Variants in CSMD1 observed in about 807,000 individuals in gnomAD.
CSMD1 encodes the protein CUB and Sushi multiple domains 1, also known as CUB and sushi domain-containing protein 1.
Under a neutral mutation model 417.5 loss-of-function variants are expected in CSMD1, and 213 were observed. The ratio of observed to expected loss-of-function variants is 0.51; its 90% CI spans 0.46 to 0.57. The LOEUF (loss-of-function observed/expected upper bound fraction) is 0.57. CSMD1 is among the 20% of genes least tolerant of loss of function. The pLI is 0.00. For synonymous variants in CSMD1, 2,862 were observed against 1,736.8 expected (o/e 1.65, Z -16.11); for missense variants, 6,923 against 4,529.7 (o/e 1.53, Z -15.17).
chr8:3,612,048 T>TA (rs1166414495), intron 8 of CSMD1, among the ~76,000 whole-genome samples: 2 of 152,118 alleles, frequency 1.3e-5, no homozygotes, highest in Non-Finnish European at 2.9e-5. Context: ...ACTGGATTTT[T>TA]AAAAATATTT....
chr8:3,927,269 A>G (rs928666388), intron 5 of CSMD1, among the ~76,000 whole-genome samples: 2 of 152,060 alleles, frequency 1.3e-5, no homozygotes, highest in African/African-American at 4.8e-5. Context: ...TATAGCAGAC[A>G]TAAGCTAATA....
At chr8:3,955,126 C>G (rs1811854236) in intron 5 of CSMD1, among the ~76,000 whole-genome samples, 1 of 152,304 alleles carries the variant, frequency 6.6e-6, no homozygotes, top group East Asian at 1.9e-4. Context: ...CCCCTCATAC[C>G]TAACTACCGG....
rs774014160 is a variant in CSMD1, at chr8:3,812,898, G to C, written c.819-58856C>G. On this transcript the variant is annotated intron_variant, in intron 5 of 69. Coordinates refer to ENST00000635120, the MANE Select transcript of CSMD1 (RefSeq NM_033225.6). Reference sequence around the variant, plus strand: ...AGTTTAATGACATGCCAGCTCTTTCGTGGCTGTGATAATGTGTTTTGTCCT... The same window carrying C: ...AGTTTAATGACATGCCAGCTCTTTCCTGGCTGTGATAATGTGTTTTGTCCT... Among the ~76,000 whole-genome samples the C allele has an allele frequency of 1.2e-4, 19 of 152,098 alleles. No individual in the cohort carries two copies. The East Asian group carries it at 3.7e-3, about 29-fold the overall frequency.
chr8:2,943,053 A>G (rs1258060995), intron 68 of CSMD1, among the ~76,000 whole-genome samples: 1 of 152,182 alleles, frequency 6.6e-6, no homozygotes, highest in Non-Finnish European at 1.5e-5. Context: ...ATGGCATTGC[A>G]TTCTTCATAT....
At chr8:3,545,895 A>G (rs1461273636) in intron 10 of CSMD1, among the ~76,000 whole-genome samples, 1 of 152,220 alleles carries the variant, frequency 6.6e-6, no homozygotes, top group Non-Finnish European at 1.5e-5. Context: ...ATGTAGCAAT[A>G]AAATTATAGT....
chr8:4,186,391 C>G (rs1055534797), intron 3 of CSMD1, among the ~76,000 whole-genome samples: 13 of 152,064 alleles, frequency 8.5e-5, no homozygotes, highest in African/African-American at 3.1e-4. Flanking sequence ...CTCTGCTCAC[C>G]CCAAGACAGT....
chr8:3,737,361 C>A (rs891398351), intron 6 of CSMD1, among the ~76,000 whole-genome samples: 5 of 152,182 alleles, frequency 3.3e-5, no homozygotes, highest in Non-Finnish European at 7.3e-5. Context: ...CCCCCTTTCT[C>A]TATCACATTC....
chr8:3,820,332 T>C (rs2129082199), intron 5 of CSMD1, among the ~76,000 whole-genome samples: 1 of 152,226 alleles, frequency 6.6e-6, no homozygotes, highest in East Asian at 1.9e-4. Flanking sequence ...GAATTCCTCT[T>C]AGATATATGG....
intron 5 of CSMD1, among the ~76,000 whole-genome samples, chr8:3,962,210 G>T (rs975721143): frequency 6.6e-6 from 1 of 152,126 alleles, no homozygotes; most frequent in Non-Finnish European, 1.5e-5. Context: ...GAATGGGATT[G>T]TTTTGCACCT....
At chr8:3,749,793 G>C (rs1481831429) in intron 6 of CSMD1, among the ~76,000 whole-genome samples, 1 of 151,902 alleles carries the variant, frequency 6.6e-6, no homozygotes, top group Non-Finnish European at 1.5e-5. Context: ...TGTAGAGGTA[G>C]TTTCTCTCTT....
chr8:4,778,928 C>T (rs954458880), intron 1 of CSMD1, among the ~76,000 whole-genome samples: 8 of 152,118 alleles, frequency 5.3e-5, no homozygotes, highest in Non-Finnish European at 7.4e-5. Flanking sequence ...AAGCAACCTG[C>T]TTATCCTGTG....
At position 4,184,396 on chromosome 8, in the gene CSMD1, A is replaced by C. The variant is rs772541084; in HGVS notation, c.416-152297T>G. Among the ~76,000 whole-genome samples the C allele has an allele frequency of 2.0e-5, 3 of 152,304 alleles. No individual in the cohort carries two copies. In the East Asian group the frequency reaches 5.8e-4, roughly 29 times the overall value. On this transcript the variant is annotated intron_variant, in intron 3 of 69. Coordinates refer to ENST00000635120, the MANE Select transcript of CSMD1 (RefSeq NM_033225.6). Reference sequence around the variant, plus strand: ...AAAACTAGCTATTTCCAATTCTAATAATCTGGAGCATATGAGGATGTTCCT... The same window carrying C: ...AAAACTAGCTATTTCCAATTCTAATCATCTGGAGCATATGAGGATGTTCCT...
At chr8:3,215,434 C>A (rs995909953) in intron 29 of CSMD1, among the ~76,000 whole-genome samples, 6 of 152,138 alleles carry the variant, frequency 3.9e-5, no homozygotes, top group African/African-American at 9.7e-5. Flanking sequence ...GAACTAGGTG[C>A]ATTTCTTGTT....
intron 5 of CSMD1, among the ~76,000 whole-genome samples, chr8:3,950,878 C>G (rs972108529): frequency 6.6e-6 from 1 of 151,982 alleles, no homozygotes; most frequent in East Asian, 1.9e-4. Flanking sequence ...CATTTTATTT[C>G]TCTTTCAAAG....
At chr8:4,057,888 T>C (rs1274516938) in intron 3 of CSMD1, among the ~76,000 whole-genome samples, 2 of 152,158 alleles carry the variant, frequency 1.3e-5, no homozygotes, top group Non-Finnish European at 2.9e-5. Flanking sequence ...GTTCCATTGA[T>C]CTATATCTCT....
chr8:3,803,699 G>C (rs140504922), intron 5 of CSMD1, among the ~76,000 whole-genome samples: 4 of 152,286 alleles, frequency 2.6e-5, no homozygotes, highest in African/African-American at 9.6e-5. Context: ...GTCAGAATTA[G>C]GAGTTTGGAT....
At chr8:4,944,028 T>C (rs887007734) in intron 1 of CSMD1, among the ~76,000 whole-genome samples, 1 of 152,062 alleles carries the variant, frequency 6.6e-6, no homozygotes, top group Admixed American at 6.6e-5. Flanking sequence ...GGAATCAAAA[T>C]AAGCTGGAAA....
At chr8:4,733,400 C>T (rs995758327) in intron 1 of CSMD1, among the ~76,000 whole-genome samples, 11 of 152,154 alleles carry the variant, frequency 7.2e-5, no homozygotes, top group Admixed American at 1.3e-4. Flanking sequence ...CCAGAATAAC[C>T]ATATCTTGGA....
At chr8:4,631,122 G>T (rs1802484574) in intron 2 of CSMD1, among the ~76,000 whole-genome samples, 1 of 152,142 alleles carries the variant, frequency 6.6e-6, no homozygotes, top group Non-Finnish European at 1.5e-5. Flanking sequence ...CAGCACTTTG[G>T]GAGGCCGAGG....
Sources: allele counts gnomAD v4.1 joint callset (sites outside exome capture counted in the v4.1 genomes callset), GRCh38; gene constraint gnomAD v4.1.1; transcripts MANE v1.5; gene names NCBI Gene and HGNC (gene_info 2026-07-23, HGNC 2026-07-21).